Variants in AAMDC observed in about 807,000 individuals in gnomAD.
AAMDC encodes mth938 domain-containing protein.
In AAMDC, 16 loss-of-function variants were observed where a neutral mutation model predicts 15.5. The observed-to-expected ratio is 1.03, with a 90% CI of 0.70 to 1.57. The LOEUF (loss-of-function observed/expected upper bound fraction) is 1.57. AAMDC is among the 40% of genes most tolerant of loss of function. The pLI, the probability that AAMDC is intolerant of heterozygous loss-of-function variation, is 0.00. For missense variants in AAMDC, 141 were observed against 144.9 expected (o/e 0.97, Z 0.14); for synonymous variants, 51 against 51.6 (o/e 0.99, Z 0.05).
chr11:77,844,657 C>T (rs1400376687), intron 2 of AAMDC, among the ~76,000 whole-genome samples: 1 of 152,130 alleles, frequency 6.6e-6, no homozygotes, highest in Non-Finnish European at 1.5e-5. Context: ...CCATCATGCC[C>T]AGCCAGATTT....
At chr11:77,863,721 C>T (rs1412355017) in intron 2 of AAMDC, among the ~76,000 whole-genome samples, 1 of 152,006 alleles carries the variant, frequency 6.6e-6, no homozygotes, top group Non-Finnish European at 1.5e-5. Flanking sequence ...CACTATGTTG[C>T]CCAGGCTGGT....
At chr11:77,875,146 C>T (rs974001476), downstream of AAMDC, among the ~76,000 whole-genome samples, 1 of 152,152 alleles carries the variant, frequency 6.6e-6, no homozygotes, top group South Asian at 2.1e-4. Flanking sequence ...ATATAAAGTC[C>T]TTTCAGAAAC....
intron 2 of AAMDC, among the ~76,000 whole-genome samples, chr11:77,864,328 C>G (rs775883268): frequency 1.3e-5 from 2 of 151,690 alleles, no homozygotes; most frequent in African/African-American, 4.8e-5. Flanking sequence ...CCTGTAATCC[C>G]AGCTATAGGC....
At chr11:77,862,167 G>A (rs1374957696) in intron 2 of AAMDC, among the ~76,000 whole-genome samples, 1 of 152,116 alleles carries the variant, frequency 6.6e-6, no homozygotes, top group East Asian at 1.9e-4. Flanking sequence ...CCCAGTGAGG[G>A]TCTACACTGG....
rs1434488329 is a variant in AAMDC at position 77,886,195 on chromosome 11, C to T, written c.328+9146C>T. On this transcript the variant is annotated intron_variant, in intron 5 of 5. Coordinates refer to the AAMDC transcript ENST00000304716. Reference sequence around the variant, plus strand: ...CTCCAGCCCAGGCAACAGACAGAGACCTTGTCTCAAAAAAAAGAAAAAAAA... The same window carrying T: ...CTCCAGCCCAGGCAACAGACAGAGATCTTGTCTCAAAAAAAAGAAAAAAAA... 2.6e-5 allele frequency among the ~76,000 whole-genome samples: 4 copies of T among 151,928 alleles called. No homozygotes were observed. In the South Asian group the frequency reaches 6.2e-4, roughly 24 times the overall value.
At chr11:77,884,400 C>T (rs572329767) in intron 5 of AAMDC, among the ~76,000 whole-genome samples, 7 of 152,254 alleles carry the variant, frequency 4.6e-5, no homozygotes, top group South Asian at 4.2e-4. Flanking sequence ...TCTCTCTCTA[C>T]GGAGAGACGG....
rs561077483 is a variant in AAMDC, at chr11:77,833,883, ATTAT to A, written c.-18-8590_-18-8587del. ...ATTTTTGAGTAATTCTACCTTCCTA[ATTAT>A]TTATTCTGCCAGCTCTTAGCACAAA... On this transcript the variant is annotated intron_variant, in intron 1 of 3. Coordinates refer to ENST00000393427, the MANE Select transcript of AAMDC (RefSeq NM_024684.4). Among the ~76,000 whole-genome samples, 772 of 152,250 alleles carry A rather than the reference ATTAT, an allele frequency of 5.1e-3. 6 individuals carry two copies. The highest frequency in any genetic ancestry group is 0.01 in the Middle Eastern group (3 of 294).
At chr11:77,894,233 G>A in intron 5 of AAMDC, 1 of 867,364 alleles carries the variant, frequency 1.2e-6, no homozygotes, top group Non-Finnish European at 1.9e-6. Context: ...TTGCCTGCAA[G>A]TGCTATACTC....
At chr11:77,891,277 A>G (rs1271739189) in intron 5 of AAMDC, 13 of 1,590,892 alleles carry the variant, frequency 8.2e-6, no homozygotes, top group Middle Eastern at 2.2e-4. Context: ...CTTCAACACA[A>G]TGTCAGTCTA....
intron 2 of AAMDC, among the ~76,000 whole-genome samples, chr11:77,852,693 C>T (rs1035364203): frequency 5.3e-5 from 8 of 152,006 alleles, no homozygotes; most frequent in South Asian, 2.1e-4. Context: ...TATTAGTTTC[C>T]GGTTTATCCT....
rs2136347498 is a variant in AAMDC, at chr11:77,880,002, G to A, written c.328+2953G>A. On this transcript the variant is annotated intron_variant, in intron 5 of 5. Coordinates refer to the AAMDC transcript ENST00000304716. ...GATGCACACCTGGGTAAGAATTTGA[G>A]CCCAGTTCATAAACTGAAGCAGTTA... 2.0e-5 allele frequency among the ~76,000 whole-genome samples: 3 copies of A among 152,254 alleles called. No homozygotes were observed. The South Asian group carries it at 6.2e-4, about 32-fold the overall frequency.
At chr11:77,841,318 A>G in intron 1 of AAMDC, 3 of 678,976 alleles carry the variant, frequency 4.4e-6, no homozygotes, top group Non-Finnish European at 8.1e-6. Context: ...AACTAAATCT[A>G]TGAATTCTCC....
At chr11:77,887,538 T>G (rs1414672619) in intron 5 of AAMDC, among the ~76,000 whole-genome samples, 1 of 152,096 alleles carries the variant, frequency 6.6e-6, no homozygotes, top group Admixed American at 6.6e-5. Context: ...CTCTCAGCAC[T>G]CCTATTCAAC....
downstream of AAMDC, among the ~76,000 whole-genome samples, chr11:77,875,183 G>T (rs1951562756): frequency 6.6e-6 from 1 of 152,194 alleles, no homozygotes; most frequent in African/African-American, 2.4e-5. Flanking sequence ...AGCATGCCAT[G>T]GTACTGCTAC....
At chr11:77,876,821 A>C (rs1321840489), downstream of AAMDC, 3 of 600,794 alleles carry the variant, frequency 5.0e-6, no homozygotes, top group Non-Finnish European at 8.9e-6. Flanking sequence ...ATGAGGGCTA[A>C]CTTGGAGGAT....
intron 5 of AAMDC, chr11:77,879,143 A>C (rs777576154): frequency 5.0e-6 from 8 of 1,613,636 alleles, no homozygotes; most frequent in Non-Finnish European, 8.5e-7. Flanking sequence ...AAAAAGATAA[A>C]AGAAATCCTC....
chr11:77,902,086 G>C (rs552052241), downstream of AAMDC, among the ~76,000 whole-genome samples: 1 of 152,160 alleles, frequency 6.6e-6, no homozygotes, highest in African/African-American at 2.4e-5. Context: ...CCAAATAAGC[G>C]ATTTTCATCA....
intron 5 of AAMDC, among the ~76,000 whole-genome samples, chr11:77,897,645 C>T (rs1390397942): frequency 6.7e-6 from 1 of 149,872 alleles, no homozygotes; most frequent in African/African-American, 2.5e-5. Context: ...GGATTACAGG[C>T]ACCTGCCACC....
intron 5 of AAMDC, among the ~76,000 whole-genome samples, chr11:77,881,899 T>G (rs4945223): frequency 0.14 from 21,108 of 151,742 alleles, 1,646 homozygotes; most frequent in Admixed American, 0.2. Flanking sequence ...TCTTGTTTTC[T>G]TGTTTCTGAT....
Sources: allele counts gnomAD v4.1 joint callset (sites outside exome capture counted in the v4.1 genomes callset), GRCh38; gene constraint gnomAD v4.1.1; transcripts MANE v1.5; gene names NCBI Gene and HGNC (gene_info 2026-07-23, HGNC 2026-07-21).